ZCCHC7: variants seen among roughly 807,000 people sequenced by gnomAD.
ZCCHC7 encodes the protein zinc finger CCHC-type containing 7, also known as zinc finger CCHC domain-containing protein 7.
ZCCHC7 carries 35 observed loss-of-function variants against 52.0 expected under a neutral mutation model. That is an observed-to-expected ratio of 0.67 (90% CI 0.51 to 0.89). The LOEUF (loss-of-function observed/expected upper bound fraction) is 0.89. Ranked by LOEUF, ZCCHC7 falls within the 40% of genes least tolerant of loss-of-function variation. The pLI is 0.00. For synonymous variants in ZCCHC7, 217 were observed against 221.5 expected (o/e 0.98, Z 0.18); for missense variants, 574 against 649.1 (o/e 0.88, Z 1.26).
intron 2 of ZCCHC7, among the ~76,000 whole-genome samples, chr9:37,149,588 A>T (rs58893315): frequency 7.2e-5 from 11 of 152,310 alleles, no homozygotes; most frequent in African/African-American, 2.6e-4. Context: ...TATTTTGATT[A>T]CAGAGAGAAA....
At chr9:37,243,037 G>A (rs966765391) in intron 2 of ZCCHC7, among the ~76,000 whole-genome samples, 1 of 151,620 alleles carries the variant, frequency 6.6e-6, no homozygotes, top group Non-Finnish European at 1.5e-5. Context: ...TTTTTTAAAA[G>A]CATATTTCTT....
intron 2 of ZCCHC7, among the ~76,000 whole-genome samples, chr9:37,136,305 A>C (rs960545090): frequency 6.6e-6 from 1 of 152,194 alleles, no homozygotes; most frequent in Non-Finnish European, 1.5e-5. Context: ...GGTAGGCTTA[A>C]TGTCACAGGA....
At chr9:37,349,563 A>T (rs1821238116) in intron 7 of ZCCHC7, 111 bp downstream of exon 7, 7 of 1,025,872 alleles carry the variant, frequency 6.8e-6, no homozygotes, top group African/African-American at 1.6e-5. Flanking sequence ...AATAAACATT[A>T]AAGTAAGACT....
At chr9:37,156,797 T>G (rs1820836954) in intron 2 of ZCCHC7, among the ~76,000 whole-genome samples, 1 of 152,192 alleles carries the variant, frequency 6.6e-6, no homozygotes, top group African/African-American at 2.4e-5. Context: ...TGCTATCACT[T>G]TCTTTAGCCT....
chr9:37,295,119 A>G (rs1491002374), intron 2 of ZCCHC7, among the ~76,000 whole-genome samples: 2 of 152,216 alleles, frequency 1.3e-5, no homozygotes, highest in Non-Finnish European at 2.9e-5. Context: ...ACTGCTTTTG[A>G]AGGGGTACCA....
intron 2 of ZCCHC7, among the ~76,000 whole-genome samples, chr9:37,230,495 A>T (rs977279860): frequency 6.6e-6 from 1 of 152,212 alleles, no homozygotes; most frequent in Non-Finnish European, 1.5e-5. Context: ...TTGGGAAAAA[A>T]TGTGGGATGG....
At chr9:37,272,061 A>C (rs1470511296) in intron 2 of ZCCHC7, among the ~76,000 whole-genome samples, 1 of 152,198 alleles carries the variant, frequency 6.6e-6, no homozygotes, top group Non-Finnish European at 1.5e-5. Flanking sequence ...ATATGTTTGA[A>C]GTTTTCCAAA....
At chr9:37,276,999 G>A (rs1827713853) in intron 2 of ZCCHC7, among the ~76,000 whole-genome samples, 1 of 152,080 alleles carries the variant, frequency 6.6e-6, no homozygotes, top group African/African-American at 2.4e-5. Flanking sequence ...CTCTCTCCTA[G>A]GAACATTTAG....
intron 2 of ZCCHC7, among the ~76,000 whole-genome samples, chr9:37,153,191 G>T (rs1820626108): frequency 6.6e-6 from 1 of 151,678 alleles, no homozygotes; most frequent in African/African-American, 2.4e-5. Context: ...TTGATTTAGA[G>T]ATGGAGTCTT....
intron 2 of ZCCHC7, among the ~76,000 whole-genome samples, chr9:37,183,043 A>G (rs982593097): frequency 6.6e-6 from 1 of 152,254 alleles, no homozygotes; most frequent in Non-Finnish European, 1.5e-5. Flanking sequence ...CCTTCAGGAA[A>G]TATTTAGGAA....
Position 37,236,717 on chromosome 9 carries a change from T to C in ZCCHC7, c.611-65471T>C, listed in dbSNP as rs531383851. 1.3e-4 allele frequency among the ~76,000 whole-genome samples: 20 copies of C among 152,318 alleles called. No homozygotes were observed. In the East Asian group the frequency reaches 3.7e-3, roughly 28 times the overall value. On this transcript the variant is annotated intron_variant, in intron 2 of 8. Coordinates refer to ENST00000336755, the MANE Select transcript of ZCCHC7 (RefSeq NM_032226.3). ...CCAGTGCTCTCAGATTTTTAATTCC[T>C]ATGCATAGCATACAGTAAACCTCAT...
At chr9:37,134,376 G>C (rs1373811517) in intron 2 of ZCCHC7, among the ~76,000 whole-genome samples, 1 of 152,098 alleles carries the variant, frequency 6.6e-6, no homozygotes, top group East Asian at 1.9e-4. Flanking sequence ...TGAATTGGTA[G>C]TTAGATCTAG....
At chr9:37,256,139 G>A (rs936715721) in intron 2 of ZCCHC7, among the ~76,000 whole-genome samples, 1 of 152,128 alleles carries the variant, frequency 6.6e-6, no homozygotes, top group East Asian at 1.9e-4. Context: ...TGTAGAACCT[G>A]CCATTCAGAT....
intron 2 of ZCCHC7, among the ~76,000 whole-genome samples, chr9:37,250,924 A>T (rs1365259717): frequency 6.6e-6 from 1 of 152,206 alleles, no homozygotes; most frequent in Non-Finnish European, 1.5e-5. Flanking sequence ...GGTTCTGATT[A>T]CTTTACAGAA....
chr9:37,120,605 C>A lies in ZCCHC7; in HGVS notation c.-40C>A, dbSNP rs1286512408. On this transcript the variant is annotated 5_prime_UTR_variant, in exon 1 of 9. Coordinates refer to ENST00000336755, the MANE Select transcript of ZCCHC7 (RefSeq NM_032226.3). ...GCGTTTTGGTTCCCGGTTGGTGCTT[C>A]CTGTTCGCAGCTGCGGCAGTGAGTA... The A allele has an allele frequency of 5.0e-6, 2 of 398,756 alleles. No individual in the cohort carries two copies. Among genetic ancestry groups the A allele is most frequent in the Non-Finnish European group, 8.9e-6 (2 of 225,882 alleles). The allele number at this position is 398,756 out of a possible 1,614,324, so 24.7% of individuals were successfully genotyped here.
At chr9:37,120,541 C>T (rs909985128), upstream of ZCCHC7, 10 of 399,312 alleles carry the variant, frequency 2.5e-5, no homozygotes, top group African/African-American at 6.2e-5. Flanking sequence ...GACGCGGCCT[C>T]CTTACCTCAT....
chr9:37,327,373 T>G (rs949836803), intron 5 of ZCCHC7: 1 of 155,604 alleles, frequency 6.4e-6, no homozygotes, highest in East Asian at 1.9e-4. Context: ...AAATATGTAA[T>G]AACAGTGAAG....
intron 2 of ZCCHC7, among the ~76,000 whole-genome samples, chr9:37,161,431 C>T (rs1821098271): frequency 6.6e-6 from 1 of 151,948 alleles, no homozygotes; most frequent in African/African-American, 2.4e-5. Context: ...AAAAATTAGC[C>T]AGACATGGTG....
At chr9:37,269,649 A>AAAAAG (rs1265994013) in intron 2 of ZCCHC7, among the ~76,000 whole-genome samples, 5 of 149,856 alleles carry the variant, frequency 3.3e-5, no homozygotes, top group African/African-American at 1.2e-4. Flanking sequence ...AAAAAAAACA[A>AAAAAG]AAGAAGTTCT....
Sources: gnomAD v4.1 joint callset for allele counts (sites outside exome capture counted in the v4.1 genomes callset) on GRCh38, gnomAD v4.1.1 for gene constraint, MANE v1.5 for transcripts, NCBI Gene and HGNC (gene_info 2026-07-23, HGNC 2026-07-21) for gene names.